The following MAN1A2 variants were observed in gnomAD, a reference collection of about 807,000 sequenced individuals.
MAN1A2 encodes mannosyl-oligosaccharide 1,2-alpha-mannosidase IB.
Under a neutral mutation model 75.7 loss-of-function variants are expected in MAN1A2, and 26 were observed. The ratio of observed to expected loss-of-function variants is 0.34; its 90% CI spans 0.25 to 0.48. MAN1A2 has a LOEUF of 0.48. Ranked by LOEUF, MAN1A2 falls within the 20% of genes least tolerant of loss-of-function variation. MAN1A2 has a pLI of 0.99. For synonymous variants in MAN1A2, 247 were observed against 264.6 expected, an observed-to-expected ratio of 0.93 and a Z score of 0.65; for missense variants, 562 against 775.5, an observed-to-expected ratio of 0.72 and a Z score of 3.27.
At chr1:117,474,777 C>A (rs1466758925) in intron 8 of MAN1A2, among the ~76,000 whole-genome samples, 2 of 151,862 alleles carry the variant, frequency 1.3e-5, no homozygotes, top group African/African-American at 4.8e-5. Context: ...CTATGGAAAT[C>A]ATGATCACAA....
rs10923333 is a variant in MAN1A2, at chr1:117,522,645, A to G, written c.1794-180A>G. Among the ~76,000 whole-genome samples the G allele has an allele frequency of 7.8e-3, 1,191 of 151,732 alleles. 12 individuals carry two copies. Among genetic ancestry groups the G allele is most frequent in the African/African-American group, 0.027 (1,118 of 41,426 alleles). On this transcript the variant is annotated intron_variant, in intron 12 of 12. Transcript: ENST00000356554. The stretch of plus-strand genomic sequence containing the variant: ...CATCTTACTGGATTTCTTATACACT[A>G]TTCTGAAACCTCTTGTCTTTGTGTT...
chr1:117,387,359 G>A (rs1185858272), intron 1 of MAN1A2, among the ~76,000 whole-genome samples: 1 of 152,132 alleles, frequency 6.6e-6, no homozygotes, highest in Non-Finnish European at 1.5e-5. Flanking sequence ...CAGTCTTTGT[G>A]TAGCCAGTAG....
At chr1:117,501,247 T>G (rs1437470325) in intron 11 of MAN1A2, among the ~76,000 whole-genome samples, 1 of 151,744 alleles carries the variant, frequency 6.6e-6, no homozygotes, top group Admixed American at 6.6e-5. Flanking sequence ...ACTCAATGTA[T>G]AATCGGTCAA....
At chr1:117,413,149 G>A (rs529297106) in intron 3 of MAN1A2, among the ~76,000 whole-genome samples, 1 of 151,962 alleles carries the variant, frequency 6.6e-6, no homozygotes, top group East Asian at 1.9e-4. Context: ...GCTGAGGAAC[G>A]TAACAACACA....
At chr1:117,370,602 G>A (rs1005469300) in intron 1 of MAN1A2, among the ~76,000 whole-genome samples, 1 of 152,184 alleles carries the variant, frequency 6.6e-6, no homozygotes, top group Non-Finnish European at 1.5e-5. Flanking sequence ...AACATCAAAT[G>A]TATAAACATT....
intron 9 of MAN1A2, 91 bp from the exon 10 acceptor site, chr1:117,496,672 T>G: frequency 1.1e-6 from 1 of 891,776 alleles, no homozygotes; most frequent in Non-Finnish European, 1.8e-6. Context: ...ACTATCATAT[T>G]ACCCAGGTTT....
Position 117,466,290 on chromosome 1 carries a change from A to C in MAN1A2, c.1075-44A>C, listed in dbSNP as rs529490216. ...CCTACATTAAAACCAAGCCTTGATG[A>C]CACTTATTTTTATTAATTGCATTCT... is the stretch of plus-strand genomic sequence containing the variant. On this transcript the variant is annotated intron_variant, in intron 7 of 12. Transcript: ENST00000356554. The C allele has an allele frequency of 1.2e-5, 15 of 1,274,148 alleles. No individual in the cohort carries two copies. The East Asian group carries it at 2.9e-4, about 24-fold the overall frequency. 78.9% of individuals were successfully genotyped at this position (1,274,148 alleles called of 1,614,324 possible).
At chr1:117,452,221 C>T (rs1260444352) in intron 6 of MAN1A2, among the ~76,000 whole-genome samples, 1 of 150,874 alleles carries the variant, frequency 6.6e-6, no homozygotes, top group Non-Finnish European at 1.5e-5. Flanking sequence ...GCAAGAGAAT[C>T]ACTTGAACCT....
At chr1:117,512,784 C>CACACACAT (rs5777313) in intron 12 of MAN1A2, among the ~76,000 whole-genome samples, 1 of 151,216 alleles carries the variant, frequency 6.6e-6, no homozygotes, top group Admixed American at 6.6e-5. Flanking sequence ...CACACACACA[C>CACACACAT]GTAGGAACAC....
At chr1:117,385,465 C>T (rs1300120176) in intron 1 of MAN1A2, among the ~76,000 whole-genome samples, 1 of 151,324 alleles carries the variant, frequency 6.6e-6, no homozygotes, top group African/African-American at 2.4e-5. Flanking sequence ...CCACCCTATT[C>T]TCATCTACAC....
At chr1:117,471,502 C>A (rs1650150534) in intron 8 of MAN1A2, among the ~76,000 whole-genome samples, 1 of 151,646 alleles carries the variant, frequency 6.6e-6, no homozygotes, top group Admixed American at 6.6e-5. Flanking sequence ...ATCAAAAGGA[C>A]CTTAGAGTGA....
chr1:117,501,364 AAATAGTAT>A (rs1651195842), intron 11 of MAN1A2, among the ~76,000 whole-genome samples: 5 of 151,824 alleles, frequency 3.3e-5, no homozygotes, highest in African/African-American at 1.2e-4. Flanking sequence ...GTCATATCTT[AAATAGTAT>A]TTGCTCATGC....
chr1:117,434,539 G>A (rs1648786061), intron 5 of MAN1A2, among the ~76,000 whole-genome samples: 2 of 152,054 alleles, frequency 1.3e-5, no homozygotes, highest in South Asian at 2.1e-4. Context: ...TACTCAAAAG[G>A]ATGTTTAATT....
intron 3 of MAN1A2, among the ~76,000 whole-genome samples, chr1:117,408,128 T>C (rs1647672206): frequency 6.6e-6 from 1 of 152,052 alleles, no homozygotes; most frequent in Admixed American, 6.6e-5. Context: ...CAATGATTAA[T>C]AGTTAGAATG....
chr1:117,383,003 C>T (rs1653402831), intron 1 of MAN1A2, among the ~76,000 whole-genome samples: 1 of 152,124 alleles, frequency 6.6e-6, no homozygotes, highest in Non-Finnish European at 1.5e-5. Flanking sequence ...TTCTTCCTTT[C>T]CAATTTGGAT....
chr1:117,453,232 G>A (rs1465069930), intron 6 of MAN1A2, among the ~76,000 whole-genome samples: 1 of 152,144 alleles, frequency 6.6e-6, no homozygotes, highest in Non-Finnish European at 1.5e-5. Flanking sequence ...CAGCCCATGG[G>A]TCAAGGAGTG....
At chr1:117,460,729 T>A in intron 7 of MAN1A2, 117 bp downstream of exon 7, 1 of 1,216,220 alleles carries the variant, frequency 8.2e-7, no homozygotes, top group Non-Finnish European at 1.1e-6. Context: ...ATTAGGGCTG[T>A]AGCCTTTATT....
rs569294159 is a variant in MAN1A2 at position 117,405,374 on chromosome 1, A to G, written c.559-175A>G. 8.5e-4 allele frequency among the ~76,000 whole-genome samples: 130 copies of G among 152,340 alleles called. 2 individuals carry two copies. The highest frequency in any genetic ancestry group is 1.6e-3 in the Non-Finnish European group (107 of 68,034). ...CCATTTTTTTCCTGTCATATAGATGAGATTAAACATAGTTATGTATGTTTT... is the reference window on the plus strand; with the variant it reads ...CCATTTTTTTCCTGTCATATAGATGGGATTAAACATAGTTATGTATGTTTT... On this transcript the variant is annotated intron_variant, in intron 2 of 12. Transcript: ENST00000356554.
At chr1:117,399,400 T>C (rs1361944046) in intron 1 of MAN1A2, among the ~76,000 whole-genome samples, 7 of 152,200 alleles carry the variant, frequency 4.6e-5, no homozygotes, top group Non-Finnish European at 8.8e-5. Flanking sequence ...TCCCCATTTG[T>C]CATCAGGACA....
Sources: allele counts gnomAD v4.1 joint callset (sites outside exome capture counted in the v4.1 genomes callset), GRCh38; gene constraint gnomAD v4.1.1; transcripts MANE v1.5; gene names NCBI Gene and HGNC (gene_info 2026-07-23, HGNC 2026-07-21).